The following ZNF682 variants were observed in gnomAD, a reference collection of about 807,000 sequenced individuals.
The protein encoded by ZNF682 is zinc finger protein 682.
In ZNF682, 29 loss-of-function variants were observed where a neutral mutation model predicts 36.5. That is an observed-to-expected ratio of 0.80 (90% CI 0.59 to 1.08). The LOEUF (loss-of-function observed/expected upper bound fraction) is 1.08, where lower values mean the gene tolerates loss of function less well. Among genes scored for constraint, ZNF682 ranks in the 50% least tolerant of loss-of-function variants. The pLI, the probability that ZNF682 is intolerant of heterozygous loss-of-function variation, is 0.00. For missense variants in ZNF682, 561 were observed against 579.7 expected (o/e 0.97, Z 0.33); for synonymous variants, 180 against 197.0 (o/e 0.91, Z 0.72).
intron 1 of ZNF682, among the ~76,000 whole-genome samples, chr19:20,028,418 G>T (rs1052936155): frequency 2.6e-5 from 4 of 152,156 alleles, no homozygotes; most frequent in South Asian, 4.2e-4. Context: ...CACGATATTG[G>T]CTAGGCTGGT....
intron 3 of ZNF682, among the ~76,000 whole-genome samples, chr19:20,013,779 C>CATGTT (rs1443591663): frequency 6.6e-6 from 1 of 152,190 alleles, no homozygotes; most frequent in Non-Finnish European, 1.5e-5. Flanking sequence ...GGGGTCTCTC[C>CATGTT]ATGTTGGTCA....
chr19:20,010,256 G>A (rs754070785), intron 3 of ZNF682, among the ~76,000 whole-genome samples: 2 of 152,140 alleles, frequency 1.3e-5, no homozygotes, highest in Non-Finnish European at 2.9e-5. Context: ...ATAGCCCACA[G>A]ACCCTACAAA....
At chr19:20,016,027 T>A (rs1228267084) in intron 3 of ZNF682, among the ~76,000 whole-genome samples, 1 of 152,194 alleles carries the variant, frequency 6.6e-6, no homozygotes, top group Non-Finnish European at 1.5e-5. Flanking sequence ...TTATACAAAC[T>A]AAGCCGGGCA....
intron 1 of ZNF682, among the ~76,000 whole-genome samples, chr19:20,032,898 T>C (rs1184563942): frequency 2.0e-5 from 3 of 152,168 alleles, no homozygotes; most frequent in Non-Finnish European, 4.4e-5. Context: ...TTCCCACATC[T>C]TCATGACAGG....
Sources: allele counts gnomAD v4.1 joint callset (sites outside exome capture counted in the v4.1 genomes callset), GRCh38; gene constraint gnomAD v4.1.1; transcripts MANE v1.5; gene names NCBI Gene and HGNC (gene_info 2026-07-23, HGNC 2026-07-21).